Variants in WDFY3 observed in about 807,000 individuals in gnomAD.
WDFY3 encodes WD repeat and FYVE domain-containing protein 3.
WDFY3 carries 66 observed loss-of-function variants against 409.6 expected under a neutral mutation model. The observed-to-expected ratio is 0.16, with a 90% CI of 0.13 to 0.20. WDFY3 has a LOEUF of 0.20. Ranked by LOEUF, WDFY3 falls within the 10% of genes least tolerant of loss-of-function variation. The probability of loss-of-function intolerance (pLI) is 1.00; values close to 1 mark genes in which losing one functional copy is unlikely to be tolerated. For synonymous variants in WDFY3, 1,521 were observed against 1,537.1 expected (o/e 0.99, Z 0.25); for missense variants, 3,031 against 4,298.1 (o/e 0.71, Z 8.24).
At chr4:84,880,129 G>A (rs1410064732) in intron 3 of WDFY3, among the ~76,000 whole-genome samples, 1 of 152,130 alleles carries the variant, frequency 6.6e-6, no homozygotes, top group African/African-American at 2.4e-5. Context: ...GAGAGAAGGA[G>A]ATGTGACCAG....
At chr4:84,917,682 T>C (rs1465055176) in intron 2 of WDFY3, among the ~76,000 whole-genome samples, 1 of 151,788 alleles carries the variant, frequency 6.6e-6, no homozygotes, top group East Asian at 1.9e-4. Context: ...TGACTCAAAA[T>C]GCGAGGGCAA....
Position 84,709,356 on chromosome 4 carries a change from A to G in WDFY3, c.8043-9T>C, listed in dbSNP as rs1410452560. The stretch of plus-strand genomic sequence containing the variant: ...TGCTAAGTAACCCAGATCTAAAAGC[A>G]ATACATAATACAATAAATTACAAGC... On this transcript the variant is annotated splice_polypyrimidine_tract_variant and intron_variant, in intron 51 of 67. Coordinates refer to ENST00000295888, the MANE Select transcript of WDFY3 (RefSeq NM_014991.6). 2 of 1,588,358 alleles carry G rather than the reference A, an allele frequency of 1.3e-6. No individual in the cohort carries two copies. The highest frequency in any genetic ancestry group is 2.7e-5 in the African/African-American group (2 of 73,420).
At chr4:84,762,468 TG>T (rs1367252749) in intron 32 of WDFY3, among the ~76,000 whole-genome samples, 1 of 71,910 alleles carries the variant, frequency 1.4e-5, no homozygotes, top group South Asian at 5.4e-4. Flanking sequence ...TGTTCTGGGG[TG>T]GGGGGAGGGG....
At chr4:84,896,119 G>C (rs1353168812) in intron 3 of WDFY3, among the ~76,000 whole-genome samples, 1 of 151,970 alleles carries the variant, frequency 6.6e-6, no homozygotes, top group Non-Finnish European at 1.5e-5. Flanking sequence ...AGCTGGGTGT[G>C]GTGGTGGGTG....
intron 53 of WDFY3, among the ~76,000 whole-genome samples, chr4:84,706,938 CTTT>C (rs1229485318): frequency 5.9e-5 from 8 of 134,850 alleles, no homozygotes; most frequent in Non-Finnish European, 8.0e-5. Flanking sequence ...ATTTTTACTT[CTTT>C]TTTTTTTTTT....
rs778894389 is a variant in WDFY3, at chr4:84,743,816, A to G, written c.5974-17T>C. The G allele has an allele frequency of 7.7e-6, 12 of 1,554,780 alleles. No homozygotes were observed. In the African/African-American group the frequency reaches 1.5e-4, roughly 19 times the overall value. ...AGGGGAAGCCTAATCAAGAAAATTT[A>G]GAATTAGAAACAGAACCAACTAAAA... On this transcript the variant is annotated splice_polypyrimidine_tract_variant and intron_variant, in intron 36 of 67. Transcript: ENST00000295888.
chr4:84,777,527 C>T (rs17368591), intron 27 of WDFY3, among the ~76,000 whole-genome samples: 11 of 151,970 alleles, frequency 7.2e-5, no homozygotes, highest in African/African-American at 2.2e-4. Context: ...CTGAGAGCTG[C>T]GGATGCTGAA....
At chr4:84,805,892 A>G (rs1039391033) in intron 15 of WDFY3, among the ~76,000 whole-genome samples, 2 of 152,196 alleles carry the variant, frequency 1.3e-5, no homozygotes, top group South Asian at 4.1e-4. Context: ...CTGTTCTATT[A>G]TTCCTTCTGA....
At chr4:84,802,004 A>T (rs1372380192) in intron 16 of WDFY3, 140 bp from the exon 17 acceptor site, 8 of 792,314 alleles carry the variant, frequency 1.0e-5, no homozygotes, top group Non-Finnish European at 7.8e-6. Context: ...CTGGAGTGCA[A>T]TGGTGTGATC....
intron 61 of WDFY3, among the ~76,000 whole-genome samples, chr4:84,689,284 TAA>T (rs1271792132): frequency 6.6e-6 from 1 of 152,156 alleles, no homozygotes; most frequent in Non-Finnish European, 1.5e-5. Context: ...GTGCATAATA[TAA>T]AAAAAGAGTT....
At chr4:84,727,042 C>T (rs1735776865) in intron 44 of WDFY3, 131 bp from the exon 45 acceptor site, 7 of 734,512 alleles carry the variant, frequency 9.5e-6, no homozygotes, top group Non-Finnish European at 1.5e-5. Context: ...AACATGATAG[C>T]CTAAGCAGCT....
intron 14 of WDFY3, 65 bp downstream of exon 14, chr4:84,809,822 A>T: frequency 7.2e-7 from 1 of 1,398,582 alleles, no homozygotes; most frequent in African/African-American, 1.4e-5. Flanking sequence ...TCATAATTCA[A>T]GTCTTAATGT....
At chr4:84,691,486 A>C in intron 60 of WDFY3, 145 bp downstream of exon 60, 1 of 828,204 alleles carries the variant, frequency 1.2e-6, no homozygotes, top group Non-Finnish European at 1.8e-6. Context: ...CCTTTCCCCA[A>C]ATAGGAAAGC....
At chr4:84,673,310 T>G (rs1327691327) in intron 67 of WDFY3, among the ~76,000 whole-genome samples, 1 of 152,214 alleles carries the variant, frequency 6.6e-6, no homozygotes, top group Admixed American at 6.5e-5. Context: ...TCTACCTGTG[T>G]AGACTAATTC....
Position 84,778,672 on chromosome 4 carries a change from C to T in WDFY3, c.4366-17G>A. The T allele has an allele frequency of 6.3e-7, 1 of 1,598,362 alleles. No homozygotes were observed. On this transcript the variant is annotated splice_polypyrimidine_tract_variant and intron_variant, in intron 26 of 67. Coordinates refer to ENST00000295888, the MANE Select transcript of WDFY3 (RefSeq NM_014991.6). Reference sequence around the variant, plus strand: ...TGCCAGCAACTACAAGAAAGTAATACCAAATGCCTGTTGATAAATCATCAT... The same window carrying T: ...TGCCAGCAACTACAAGAAAGTAATATCAAATGCCTGTTGATAAATCATCAT...
chr4:84,839,856 C>T (rs963443257), intron 6 of WDFY3, among the ~76,000 whole-genome samples: 6 of 151,434 alleles, frequency 4.0e-5, no homozygotes, highest in Non-Finnish European at 7.4e-5. Context: ...GAGCAAGAGT[C>T]CACCTCAAAA....
Position 84,879,671 on chromosome 4 carries a change from A to G in WDFY3, c.-32+17240T>C, listed in dbSNP as rs138449751. On this transcript the variant is annotated intron_variant, in intron 3 of 67. Coordinates refer to ENST00000295888, the MANE Select transcript of WDFY3 (RefSeq NM_014991.6). Reference sequence around the variant, plus strand: ...TCAAAATTAACTTCTGTACATCAAAATAAAAAAAAAGTAAACACAAGCTAG... The same window carrying G: ...TCAAAATTAACTTCTGTACATCAAAGTAAAAAAAAAGTAAACACAAGCTAG... 5.3e-5 allele frequency among the ~76,000 whole-genome samples: 8 copies of G among 152,236 alleles called. No homozygotes were observed. The East Asian group carries it at 1.5e-3, about 29-fold the overall frequency.
intron 49 of WDFY3, 80 bp downstream of exon 49, chr4:84,716,816 A>G: frequency 8.2e-7 from 1 of 1,214,102 alleles, no homozygotes; most frequent in Non-Finnish European, 1.1e-6. Flanking sequence ...AAAAATAAAA[A>G]ATAAAAAATA....
At chr4:84,954,568 A>T (rs1440437819) in intron 1 of WDFY3, among the ~76,000 whole-genome samples, 2 of 152,270 alleles carry the variant, frequency 1.3e-5, no homozygotes, top group South Asian at 2.1e-4. Flanking sequence ...TAAAACACAT[A>T]TTATCATTCT....
Sources: allele counts gnomAD v4.1 joint callset (sites outside exome capture counted in the v4.1 genomes callset), GRCh38; gene constraint gnomAD v4.1.1; transcripts MANE v1.5; gene names NCBI Gene and HGNC (gene_info 2026-07-23, HGNC 2026-07-21).